Variants in PRDM10 observed in about 807,000 individuals in gnomAD.
PRDM10 encodes the protein PR/SET domain 10.
PRDM10 carries 65 observed loss-of-function variants against 133.1 expected under a neutral mutation model. That is an observed-to-expected ratio of 0.49 (90% CI 0.40 to 0.60). The LOEUF (loss-of-function observed/expected upper bound fraction) is 0.60. Ranked by LOEUF, PRDM10 falls within the 20% of genes least tolerant of loss-of-function variation. PRDM10 has a pLI of 0.00. For synonymous variants in PRDM10, 582 were observed against 580.4 expected, an observed-to-expected ratio of 1.00 and a Z score of -0.04; for missense variants, 1,137 against 1,507.1, an observed-to-expected ratio of 0.75 and a Z score of 4.07.
chr11:129,913,974 A>G (rs144294433), intron 17 of PRDM10, among the ~76,000 whole-genome samples: 1 of 152,302 alleles, frequency 6.6e-6, no homozygotes, highest in African/African-American at 2.4e-5. Flanking sequence ...TTATACCTCT[A>G]TACTACAAAG....
At chr11:129,925,915 CT>C (rs970134816) in intron 11 of PRDM10, among the ~76,000 whole-genome samples, 5 of 152,120 alleles carry the variant, frequency 3.3e-5, no homozygotes, top group African/African-American at 4.8e-5. Context: ...AAAGGGTAAA[CT>C]TTATGCCACG....
At chr11:129,980,430 G>A (rs1471395037) in intron 1 of PRDM10, among the ~76,000 whole-genome samples, 1 of 152,058 alleles carries the variant, frequency 6.6e-6, no homozygotes, top group Admixed American at 6.5e-5. Flanking sequence ...GTGCATGTGA[G>A]GGATCAAGAT....
In PRDM10 at chr11:129,912,171, C is replaced by T. The variant is rs1313801753; in HGVS notation, c.2896G>A (p.Asp966Asn). The T allele has an allele frequency of 6.2e-7, 1 of 1,611,926 alleles. No homozygotes were observed. The highest frequency in any genetic ancestry group is 1.7e-5 in the Admixed American group (1 of 59,878). ...GCGTGCTGGGGGTAGGGCTGAGGAT[C>T]ATGGAGCTGGCCAACATCCACAGTG... is the stretch of plus-strand genomic sequence containing the variant. ...QSTVDVGQLH[D>N]PQPYPQHAIQ... Residue 966 changes from aspartate (D) to asparagine (N), a missense_variant, in exon 18 of 21, where the codon GAT becomes AAT. Coordinates refer to ENST00000360871, the MANE Select transcript of PRDM10 (RefSeq NM_199437.2).
intron 20 of PRDM10, among the ~76,000 whole-genome samples, chr11:129,902,786 C>A (rs531802666): frequency 6.6e-6 from 1 of 152,086 alleles, no homozygotes; most frequent in Non-Finnish European, 1.5e-5. Flanking sequence ...TGGTAACATA[C>A]GTGGCAAAGA....
intron 1 of PRDM10, among the ~76,000 whole-genome samples, chr11:129,994,181 TA>T (rs1275107922): frequency 6.7e-6 from 1 of 148,248 alleles, no homozygotes; most frequent in Non-Finnish European, 1.5e-5. Context: ...AGTATGAAAA[TA>T]AACTGGGGCT....
intron 20 of PRDM10, among the ~76,000 whole-genome samples, chr11:129,903,066 G>A (rs923549353): frequency 6.6e-6 from 1 of 151,978 alleles, no homozygotes; most frequent in Non-Finnish European, 1.5e-5. Context: ...AGGCCAAGGT[G>A]GGCGGATCAC....
intron 19 of PRDM10, 27 bp downstream of exon 19, chr11:129,910,449 G>A (rs752202500): frequency 2.7e-5 from 44 of 1,612,794 alleles, no homozygotes; most frequent in Non-Finnish European, 3.2e-5. Context: ...ACCCCTGACC[G>A]ACACGGCATC....
chr11:129,944,548 G>A (rs557542524), intron 6 of PRDM10, among the ~76,000 whole-genome samples: 2 of 149,368 alleles, frequency 1.3e-5, no homozygotes, highest in Non-Finnish European at 3.0e-5. Flanking sequence ...TCGCGCCACT[G>A]CACTCCAGCC....
chr11:129,927,167 A>C, intron 11 of PRDM10, among the ~76,000 whole-genome samples: 1 of 100,370 alleles, frequency 1.0e-5, no homozygotes, highest in African/African-American at 4.1e-5. Flanking sequence ...TTGCAGTGAG[A>C]CTCTGTCTCA....
Position 129,977,619 on chromosome 11 carries a change from C to T in PRDM10, c.-118-16537G>A, listed in dbSNP as rs775988372. On this transcript the variant is annotated intron_variant, in intron 1 of 20. Coordinates refer to ENST00000360871, the MANE Select transcript of PRDM10 (RefSeq NM_199437.2). ...TAATTCCACTAAGAAGTAAACTAAACGTACCTTTAGTTAGGGGAAATATGC... is the reference window on the plus strand; with the variant it reads ...TAATTCCACTAAGAAGTAAACTAAATGTACCTTTAGTTAGGGGAAATATGC... Among the ~76,000 whole-genome samples, 46 of 152,074 alleles carry T rather than the reference C, an allele frequency of 3.0e-4. 1 individual carries two copies. The highest frequency in any genetic ancestry group is 2.6e-3 in the Admixed American group (40 of 15,266).
intron 1 of PRDM10, among the ~76,000 whole-genome samples, chr11:129,963,986 G>C (rs60809978): frequency 0.074 from 11,327 of 152,198 alleles, 779 homozygotes; most frequent in East Asian, 0.39. Context: ...CTTGACATTT[G>C]TGAAATGCAC....
At chr11:129,928,309 AC>A (rs1458426964) in intron 11 of PRDM10, among the ~76,000 whole-genome samples, 8 of 152,082 alleles carry the variant, frequency 5.3e-5, no homozygotes, top group African/African-American at 1.9e-4. Context: ...GGCTAAAAGA[AC>A]CTAAATTATT....
At chr11:129,912,336 G>A (rs1950211590) in intron 17 of PRDM10, 111 bp from the exon 18 acceptor site, 1 of 1,202,706 alleles carries the variant, frequency 8.3e-7, no homozygotes, top group Non-Finnish European at 1.1e-6. Flanking sequence ...CGGGTGCAGT[G>A]GCTCATGCCT....
chr11:129,931,571 A>ATTTTTTTT lies in PRDM10; in HGVS notation c.1288-314_1288-313insAAAAAAAA, dbSNP rs200453898. ...TATTTATTTATTTTTATTTTATTTT[A>ATTTTTTTT]TTTTATTTTTTTTTTGAGACGGAGT... On this transcript the variant is annotated intron_variant, in intron 10 of 20. Transcript: ENST00000360871. Among the ~76,000 whole-genome samples, 5 of 135,538 alleles carry ATTTTTTTT rather than the reference A, an allele frequency of 3.7e-5. 1 individual carries two copies. Among genetic ancestry groups the ATTTTTTTT allele is most frequent in the South Asian group, 4.6e-4 (2 of 4,344 alleles). 88.9% of individuals were successfully genotyped at this position (135,538 alleles called of 152,430 possible).
At chr11:129,925,703 AAAAC>A (rs553948682) in intron 11 of PRDM10, among the ~76,000 whole-genome samples, 35 of 113,210 alleles carry the variant, frequency 3.1e-4, no homozygotes, top group Middle Eastern at 4.2e-3. Context: ...TAGCAAAAAC[AAAAC>A]AAACAAACAA....
At position 129,915,780 on chromosome 11, in the gene PRDM10, C is replaced by T. The variant is rs1950338646; in HGVS notation, c.2406G>A (p.Lys802=). ...GCTCTCCAGGACCAGCGGGTCGGAGCTTCCGAATGCTCGGTGGGAGCTCTG... is the reference window on the plus strand; with the variant it reads ...GCTCTCCAGGACCAGCGGGTCGGAGTTTCCGAATGCTCGGTGGGAGCTCTG... ...PGAELPPSIR[K]LRPAGPGEPD... is the part of the protein sequence containing the mutation. Residue 802 remains lysine, a synonymous_variant, in exon 16 of 21, where the codon AAG becomes AAA. Transcript: ENST00000360871. 2.5e-6 allele frequency: 4 copies of T among 1,614,200 alleles called. No individual in the cohort carries two copies. Among genetic ancestry groups the T allele is most frequent in the Middle Eastern group, 3.3e-4 (2 of 6,060 alleles).
At chr11:129,950,590 T>G (rs1481363434) in intron 4 of PRDM10, among the ~76,000 whole-genome samples, 1 of 152,278 alleles carries the variant, frequency 6.6e-6, no homozygotes, top group East Asian at 1.9e-4. Context: ...CCCCTCAACC[T>G]CCTCACCAGA....
rs757261827 is a variant in PRDM10 at position 129,915,770 on chromosome 11, C to T, written c.2416G>A (p.Ala806Thr). 3.7e-6 allele frequency: 6 copies of T among 1,614,004 alleles called. No homozygotes were observed. Among genetic ancestry groups the T allele is most frequent in the South Asian group, 1.1e-5 (1 of 91,080 alleles). ...LPPSIRKLRP[A>T]GPGEPDPMLS... is the part of the protein sequence containing the mutation. The stretch of plus-strand genomic sequence containing the variant: ...ATGGGGTCTGGCTCTCCAGGACCAG[C>T]GGGTCGGAGCTTCCGAATGCTCGGT... Residue 806 changes from alanine (A) to threonine (T), a missense_variant, in exon 16 of 21, where the codon GCT becomes ACT. Coordinates refer to ENST00000360871, the MANE Select transcript of PRDM10 (RefSeq NM_199437.2).
In PRDM10 at chr11:129,900,553, A is replaced by T. The variant is rs1049558627; in HGVS notation, c.*1760T>A. ...TATGGTTCAAATTAAAAAGAACGTAACAGGGCCAAATTTAAGTTATAAAAG... is the reference window on the plus strand; with the variant it reads ...TATGGTTCAAATTAAAAAGAACGTATCAGGGCCAAATTTAAGTTATAAAAG... On this transcript the variant is annotated 3_prime_UTR_variant, in exon 21 of 21. Transcript: ENST00000360871. 2 of 152,624 alleles carry T rather than the reference A, an allele frequency of 1.3e-5. No homozygotes were observed. Among genetic ancestry groups the T allele is most frequent in the Non-Finnish European group, 2.9e-5 (2 of 68,044 alleles). 9.5% of individuals were successfully genotyped at this position (152,624 alleles called of 1,614,324 possible). A position where few individuals can be genotyped will look rare whatever the true frequency, so the allele number is the denominator to read the frequency against.
Sources: gnomAD v4.1 joint callset for allele counts (sites outside exome capture counted in the v4.1 genomes callset) on GRCh38, gnomAD v4.1.1 for gene constraint, MANE v1.5 for transcripts, NCBI Gene and HGNC (gene_info 2026-07-23, HGNC 2026-07-21) for gene names.